Variants in TGM5 observed in about 807,000 individuals in gnomAD.
TGM5 encodes the protein protein-glutamine gamma-glutamyltransferase 5.
In TGM5, 69 loss-of-function variants were observed where a neutral mutation model predicts 77.2. The ratio of observed to expected loss-of-function variants is 0.89; its 90% CI spans 0.74 to 1.09. The LOEUF (loss-of-function observed/expected upper bound fraction) is 1.09. Among genes scored for constraint, TGM5 ranks in the 50% least tolerant of loss-of-function variants. TGM5 has a pLI of 0.00. For missense variants in TGM5, 842 were observed against 896.5 expected, an observed-to-expected ratio of 0.94 and a Z score of 0.78; for synonymous variants, 346 against 351.8, an observed-to-expected ratio of 0.98 and a Z score of 0.18.
chr15:43,260,722 AGC>A (rs1425887483), intron 1 of TGM5, 143 bp from the exon 2 acceptor site: 1 of 869,088 alleles, frequency 1.2e-6, no homozygotes, highest in South Asian at 1.4e-5. Context: ...CCATAAGATC[AGC>A]CTGCCAGGAT....
intron 3 of TGM5, among the ~76,000 whole-genome samples, chr15:43,258,677 C>T (rs1387110543): frequency 6.6e-6 from 1 of 152,200 alleles, no homozygotes; most frequent in Non-Finnish European, 1.5e-5. Flanking sequence ...CAGCAGTGGC[C>T]TGAGCTACAC....
At chr15:43,250,033 G>C (rs1003392405) in intron 6 of TGM5, among the ~76,000 whole-genome samples, 10 of 152,210 alleles carry the variant, frequency 6.6e-5, no homozygotes, top group Non-Finnish European at 1.3e-4. Flanking sequence ...AAAAGTGAAA[G>C]CGTCCAGTGT....
In TGM5 at chr15:43,252,944, GA is replaced by G; in HGVS notation, c.685-9del. On this transcript the variant is annotated splice_polypyrimidine_tract_variant and intron_variant, in intron 5 of 12. Transcript: ENST00000220420. ...ATCATCATTGCTGTTGATCTGAAGA[GA>G]AGCCATATAGAGAAGTGTTAGAAAC... 2.5e-6 allele frequency: 4 copies of G among 1,612,404 alleles called. No homozygotes were observed. The South Asian group carries it at 4.4e-5, about 18-fold the overall frequency.
chr15:43,256,741 C>A (rs1394543901), intron 3 of TGM5, 55 bp from the exon 4 acceptor site: 2 of 1,265,946 alleles, frequency 1.6e-6, no homozygotes, highest in South Asian at 2.4e-5. Flanking sequence ...CCCTTACTGC[C>A]CCATTCTCAT....
At chr15:43,241,387 A>C in intron 6 of TGM5, 1 of 320,674 alleles carries the variant, frequency 3.1e-6, no homozygotes, top group South Asian at 2.9e-5. Context: ...TCCTTTCTGT[A>C]GTTAGGATTA....
rs759956968 is a variant in TGM5 at position 43,233,177 on chromosome 15, C to T, written c.*14G>A. 14 of 1,613,844 alleles carry T rather than the reference C, an allele frequency of 8.7e-6. No individual in the cohort carries two copies. The South Asian group carries it at 1.1e-4, about 13-fold the overall frequency. ...AAGCTTGAAATTCACACGTCTGGCG[C>T]GTTGTTCCAGAATTTATAATGCAAA... On this transcript the variant is annotated 3_prime_UTR_variant, in exon 13 of 13. Transcript: ENST00000220420.
chr15:43,241,125 T>C (rs945742148), intron 6 of TGM5, 135 bp from the exon 7 acceptor site: 2 of 1,161,200 alleles, frequency 1.7e-6, no homozygotes, highest in Non-Finnish European at 1.2e-6. Flanking sequence ...TCTGGAACAC[T>C]GGAATAGTGA....
chr15:43,239,405 G>T, intron 7 of TGM5, 139 bp from the exon 8 acceptor site: 1 of 810,996 alleles, frequency 1.2e-6, no homozygotes, highest in Non-Finnish European at 2.1e-6. Flanking sequence ...TGGATAGCCA[G>T]GCACGATGGC....
intron 4 of TGM5, among the ~76,000 whole-genome samples, chr15:43,255,112 T>A (rs370639145): frequency 1.3e-5 from 2 of 152,012 alleles, no homozygotes; most frequent in African/African-American, 4.8e-5. Flanking sequence ...GACGGGAGGA[T>A]CATTTGAGCC....
intron 3 of TGM5, among the ~76,000 whole-genome samples, chr15:43,257,325 C>G (rs536713060): frequency 2.0e-5 from 3 of 152,164 alleles, no homozygotes; most frequent in African/African-American, 7.2e-5. Flanking sequence ...GCAGCAAAAT[C>G]GTGTACATGG....
rs2042777589 is a variant in TGM5, at chr15:43,260,498, A to G, written c.92T>C (p.Leu31Pro). The change falls in exon 2 of 13, where the codon CTG (leucine) becomes CCG (proline). Residue 31 changes from leucine to proline, a missense_variant. Coordinates refer to ENST00000220420, the MANE Select transcript of TGM5 (RefSeq NM_201631.4). Reference protein sequence around the residue: ...HHTEEITVDHLLVRRGQAFNL... With the variant: ...HHTEEITVDHPLVRRGQAFNL... ...GAAGGCCTGGCCCCGGCGAACAAGCAGGTGGTCCACAGTGATCTCCTCCGT... is the reference window on the plus strand; with the variant it reads ...GAAGGCCTGGCCCCGGCGAACAAGCGGGTGGTCCACAGTGATCTCCTCCGT... 6.2e-7 allele frequency: 1 copy of G among 1,614,100 alleles called. No homozygotes were observed. The highest frequency in any genetic ancestry group is 1.3e-5 in the African/African-American group (1 of 74,932).
intron 3 of TGM5, 88 bp from the exon 4 acceptor site, chr15:43,256,774 G>C: frequency 1.9e-6 from 2 of 1,033,978 alleles, no homozygotes; most frequent in South Asian, 2.5e-5. Flanking sequence ...AGAGGAAACG[G>C]TTCTGGAGCA....
chr15:43,240,249 G>A lies in TGM5; in HGVS notation c.1001+603C>T, dbSNP rs556295531. Among the ~76,000 whole-genome samples, 39 of 152,288 alleles carry A rather than the reference G, an allele frequency of 2.6e-4. No homozygotes were observed. The East Asian group carries it at 4.6e-3, about 18-fold the overall frequency. ...GTTCTGCCCCATATTGGGAAGGAAGGAACTCATGCTCAGAGAGGCCAAGCA... is the reference window on the plus strand; with the variant it reads ...GTTCTGCCCCATATTGGGAAGGAAGAAACTCATGCTCAGAGAGGCCAAGCA... On this transcript the variant is annotated intron_variant, in intron 7 of 12. Coordinates refer to ENST00000220420, the MANE Select transcript of TGM5 (RefSeq NM_201631.4).
intron 9 of TGM5, among the ~76,000 whole-genome samples, chr15:43,238,602 C>T (rs767048577): frequency 3.9e-5 from 6 of 152,222 alleles, no homozygotes; most frequent in Non-Finnish European, 7.3e-5. Context: ...TCCATGTCAG[C>T]GCCTTGTGGC....
chr15:43,252,881 G>C lies in TGM5; in HGVS notation c.740C>G (p.Thr247Arg). ...CCACTCCGCAGGGTTGGCGCCGTCT[G>C]TGTAATTCTCACTCCAGTTTCCATT... ...VLNGNWSENYTDGANPAEWTG... is the reference protein window; with the variant it reads ...VLNGNWSENYRDGANPAEWTG... Residue 247 changes from threonine (T) to arginine (R), a missense_variant, in exon 6 of 13, where the codon ACA becomes AGA. Transcript: ENST00000220420. 1.9e-6 allele frequency: 3 copies of C among 1,613,858 alleles called. No individual in the cohort carries two copies. Among genetic ancestry groups the C allele is most frequent in the Non-Finnish European group, 2.5e-6 (3 of 1,180,034 alleles).
chr15:43,235,205 T>C (rs1266699006), intron 10 of TGM5, among the ~76,000 whole-genome samples: 1 of 147,968 alleles, frequency 6.8e-6, no homozygotes, highest in Non-Finnish European at 1.5e-5. Flanking sequence ...ACTTTTGTTG[T>C]GGTAGGAAAG....
intron 1 of TGM5, among the ~76,000 whole-genome samples, chr15:43,261,565 A>G (rs2042790929): frequency 6.6e-6 from 1 of 152,156 alleles, no homozygotes; most frequent in Non-Finnish European, 1.5e-5. Context: ...CTCTGCCAGA[A>G]GGGTCTGTTT....
At chr15:43,242,271 A>G (rs903498201) in intron 6 of TGM5, among the ~76,000 whole-genome samples, 2 of 152,258 alleles carry the variant, frequency 1.3e-5, no homozygotes, top group African/African-American at 4.8e-5. Context: ...AGCTTTTGGT[A>G]GTATGCATAC....
At chr15:43,243,643 C>T (rs959830389) in intron 6 of TGM5, among the ~76,000 whole-genome samples, 1 of 152,184 alleles carries the variant, frequency 6.6e-6, no homozygotes, top group Non-Finnish European at 1.5e-5. Flanking sequence ...GAGCTCTGTC[C>T]TTCTGGTTCT....
Sources: allele counts gnomAD v4.1 joint callset (sites outside exome capture counted in the v4.1 genomes callset), GRCh38; gene constraint gnomAD v4.1.1; transcripts MANE v1.5; gene names NCBI Gene and HGNC (gene_info 2026-07-23, HGNC 2026-07-21).